Variants in PALM2AKAP2 observed in about 807,000 individuals in gnomAD.
PALM2AKAP2 encodes the protein PALM2 and AKAP2 fusion.
A neutral mutation model predicts 71.5 loss-of-function variants in PALM2AKAP2; 37 were observed. The observed-to-expected ratio is 0.52, with a 90% CI of 0.40 to 0.68. The LOEUF is 0.68. Among genes scored for constraint, PALM2AKAP2 ranks in the 30% least tolerant of loss-of-function variants. The pLI, the probability that PALM2AKAP2 is intolerant of heterozygous loss-of-function variation, is 0.00. For synonymous variants in PALM2AKAP2, 468 were observed against 478.8 expected, an observed-to-expected ratio of 0.98 and a Z score of 0.29; for missense variants, 1,224 against 1,191.8, an observed-to-expected ratio of 1.03 and a Z score of -0.40.
At chr9:109,818,820 C>A (rs1827916338) in intron 1 of PALM2AKAP2, among the ~76,000 whole-genome samples, 2 of 152,276 alleles carry the variant, frequency 1.3e-5, no homozygotes, top group African/African-American at 4.8e-5. Context: ...CTGGTAATAT[C>A]ATTAAAACTT....
chr9:110,081,635 C>T (rs950762492), intron 1 of PALM2AKAP2, among the ~76,000 whole-genome samples: 2 of 152,152 alleles, frequency 1.3e-5, no homozygotes, highest in Non-Finnish European at 2.9e-5. Context: ...GAGGCCCCAG[C>T]ACCCGCTTCC....
intron 1 of PALM2AKAP2, among the ~76,000 whole-genome samples, chr9:110,078,001 G>A (rs1325565320): frequency 4.0e-5 from 6 of 148,338 alleles, no homozygotes; most frequent in African/African-American, 1.5e-4. Context: ...GTGACAGAGT[G>A]AGACTCAGTC....
At chr9:109,698,144 A>G (rs1827999241) in intron 1 of PALM2AKAP2, among the ~76,000 whole-genome samples, 2 of 152,210 alleles carry the variant, frequency 1.3e-5, no homozygotes, top group Non-Finnish European at 2.9e-5. Context: ...GGTCATGACT[A>G]TACAAAAAAC....
At chr9:110,012,109 G>A (rs774674139) in intron 6 of PALM2AKAP2, among the ~76,000 whole-genome samples, 4 of 152,042 alleles carry the variant, frequency 2.6e-5, no homozygotes, top group African/African-American at 4.8e-5. Context: ...TCTGACCAAC[G>A]TGGCAAAACC....
chr9:109,892,590 A>C (rs1830112251), intron 3 of PALM2AKAP2, among the ~76,000 whole-genome samples: 1 of 152,122 alleles, frequency 6.6e-6, no homozygotes, highest in African/African-American at 2.4e-5. Context: ...TTTCAGCCTT[A>C]GTTTATCCAT....
intron 6 of PALM2AKAP2, among the ~76,000 whole-genome samples, chr9:110,011,014 A>ATATATATATATATATATAT (rs1554737803): frequency 1.3e-4 from 9 of 69,592 alleles, no homozygotes; most frequent in Non-Finnish European, 2.1e-4. Context: ...AAAAAAAAAA[A>ATATATATATATATATATAT]ATATATATAT....
intron 3 of PALM2AKAP2, among the ~76,000 whole-genome samples, chr9:109,902,899 C>T (rs981600940): frequency 1.1e-4 from 16 of 152,152 alleles, no homozygotes; most frequent in Non-Finnish European, 7.3e-5. Context: ...CCATAAGTGC[C>T]GGTCCCTACT....
chr9:109,988,143 T>C (rs1234041126), intron 6 of PALM2AKAP2, among the ~76,000 whole-genome samples: 1 of 152,246 alleles, frequency 6.6e-6, no homozygotes, highest in African/African-American at 2.4e-5. Context: ...TGCAGTCTAA[T>C]AAGTGTGTTT....
chr9:110,035,844 T>TATATATGATATGTTGTGTTATATATA (rs1833397711), intron 7 of PALM2AKAP2, among the ~76,000 whole-genome samples: 2 of 147,158 alleles, frequency 1.4e-5, no homozygotes, highest in Non-Finnish European at 3.0e-5. Flanking sequence ...TTATATATAA[T>TATATATGATATGTTGTGTTATATATA]ATATATGATA....
chr9:109,983,616 G>A (rs1369127174), intron 6 of PALM2AKAP2, among the ~76,000 whole-genome samples: 1 of 152,110 alleles, frequency 6.6e-6, no homozygotes, highest in Non-Finnish European at 1.5e-5. Flanking sequence ...TTCAATCCCA[G>A]CACTTTGGGA....
chr9:109,953,720 C>T (rs528341260), intron 6 of PALM2AKAP2, among the ~76,000 whole-genome samples: 10 of 150,932 alleles, frequency 6.6e-5, no homozygotes, highest in Non-Finnish European at 1.5e-4. Flanking sequence ...CTGTAATCCC[C>T]GCTACTCAGG....
At chr9:109,681,605 G>A (rs1335445401) in intron 1 of PALM2AKAP2, among the ~76,000 whole-genome samples, 3 of 152,206 alleles carry the variant, frequency 2.0e-5, no homozygotes, top group Non-Finnish European at 4.4e-5. Flanking sequence ...GGATCAGCAT[G>A]ACAAAAGACA....
intron 1 of PALM2AKAP2, among the ~76,000 whole-genome samples, chr9:109,780,841 G>T (rs1829433232): frequency 1.3e-5 from 2 of 152,166 alleles, no homozygotes; most frequent in Admixed American, 1.3e-4. Flanking sequence ...GGAATATTAT[G>T]ACCGAATGCT....
intron 1 of PALM2AKAP2, among the ~76,000 whole-genome samples, chr9:109,744,371 A>C (rs1048623699): frequency 6.6e-6 from 1 of 152,230 alleles, no homozygotes; most frequent in Non-Finnish European, 1.5e-5. Flanking sequence ...GTCATACTCC[A>C]GGCAAAATGA....
At chr9:109,734,905 C>T (rs986506664) in intron 1 of PALM2AKAP2, among the ~76,000 whole-genome samples, 1 of 151,918 alleles carries the variant, frequency 6.6e-6, no homozygotes. Context: ...AACCTCTTCC[C>T]CTCCCTGGAG....
At chr9:109,651,294 C>T (rs989032900) in intron 1 of PALM2AKAP2, among the ~76,000 whole-genome samples, 6 of 152,170 alleles carry the variant, frequency 3.9e-5, no homozygotes, top group Admixed American at 3.9e-4. Flanking sequence ...TTCTGAAGGC[C>T]ACAGCAGCCC....
At chr9:109,799,209 G>C (rs1424660279) in intron 1 of PALM2AKAP2, among the ~76,000 whole-genome samples, 3 of 152,258 alleles carry the variant, frequency 2.0e-5, no homozygotes, top group African/African-American at 7.2e-5. Flanking sequence ...GAAGTGATGT[G>C]AAGCTCAGCG....
chr9:109,750,973 G>T (rs1395419998), intron 1 of PALM2AKAP2, among the ~76,000 whole-genome samples: 1 of 152,086 alleles, frequency 6.6e-6, no homozygotes, highest in Non-Finnish European at 1.5e-5. Flanking sequence ...CCCAATACAG[G>T]CAGAGACCCT....
chr9:109,834,179 T>C (rs1030304986), intron 1 of PALM2AKAP2, among the ~76,000 whole-genome samples: 3 of 152,122 alleles, frequency 2.0e-5, no homozygotes, highest in African/African-American at 4.8e-5. Context: ...CACCACTGCA[T>C]TCCAGCCTGG....
Sources: gnomAD v4.1 joint callset for allele counts (sites outside exome capture counted in the v4.1 genomes callset) on GRCh38, gnomAD v4.1.1 for gene constraint, MANE v1.5 for transcripts, NCBI Gene and HGNC (gene_info 2026-07-23, HGNC 2026-07-21) for gene names.